The following PSME3 variants were observed in gnomAD, a reference collection of about 807,000 sequenced individuals.
The protein encoded by PSME3 is proteasome activator complex subunit 3.
Under a neutral mutation model 38.3 loss-of-function variants are expected in PSME3, and 7 were observed. That is an observed-to-expected ratio of 0.18 (90% confidence interval 0.10 to 0.34). The LOEUF is 0.34. Among genes scored for constraint, PSME3 ranks in the 10% least tolerant of loss-of-function variants. The pLI is 1.00. For synonymous variants in PSME3, 108 were observed against 105.7 expected, an observed-to-expected ratio of 1.02 and a Z score of -0.13; for missense variants, 192 against 307.6, an observed-to-expected ratio of 0.62 and a Z score of 2.81.
At position 42,842,294 on chromosome 17, in the gene PSME3, CCT is replaced by C. The variant is rs1189905404; in HGVS notation, c.*717_*718del. On this transcript the variant is annotated 3_prime_UTR_variant, in exon 11 of 11. Transcript: ENST00000590720. The stretch of plus-strand genomic sequence containing the variant: ...TAACATACCCTCCCTCTCCACAACC[CCT>C]GTCACATACCTTTCAGGAGGTGACA... The C allele has an allele frequency of 6.5e-6, 1 of 152,866 alleles. No individual in the cohort carries two copies. The highest frequency in any genetic ancestry group is 2.1e-4 in the South Asian group (1 of 4,826). 9.5% of individuals were successfully genotyped at this position (152,866 alleles called of 1,614,324 possible). A position where few individuals can be genotyped will look rare whatever the true frequency, so the allele number is the denominator to read the frequency against.
At position 42,833,519 on chromosome 17, in the gene PSME3, C is replaced by G. The variant is rs1229719824; in HGVS notation, c.-113C>G. ...AGCGAGCGAGCAGTGAGTAAGCCAG[C>G]AAGGGCGGTCGGGTCCCGAGGTCAG... On this transcript the variant is annotated 5_prime_UTR_variant, in exon 1 of 11. Transcript: ENST00000590720. 7.3e-7 allele frequency: 1 copy of G among 1,377,848 alleles called. No individual in the cohort carries two copies. The highest frequency in any genetic ancestry group is 1.0e-6 in the Non-Finnish European group (1 of 979,648). The allele number at this position is 1,377,848 out of a possible 1,614,324, so 85.4% of individuals were successfully genotyped here. A position where few individuals can be genotyped will look rare whatever the true frequency, so the allele number is the denominator to read the frequency against.
chr17:42,837,643 C>G lies in PSME3; in HGVS notation c.244-6C>G. On this transcript the variant is annotated splice_polypyrimidine_tract_variant and splice_region_variant and intron_variant, in intron 4 of 10. Transcript: ENST00000590720. The stretch of plus-strand genomic sequence containing the variant: ...TAGGCTCATCCCTGCCTCTTTGTAT[C>G]CTTAGCCCACTTATAAGAAGCGAAG... 1 of 1,614,088 alleles carries G rather than the reference C, an allele frequency of 6.2e-7. No homozygotes were observed. The highest frequency in any genetic ancestry group is 1.1e-5 in the South Asian group (1 of 91,082).
At chr17:42,836,911 A>C (rs2055470691) in intron 4 of PSME3, among the ~76,000 whole-genome samples, 5 of 128,334 alleles carry the variant, frequency 3.9e-5, no homozygotes, top group Non-Finnish European at 3.3e-5. Flanking sequence ...GTGGAGTTTC[A>C]CTCTTGTCAC....
rs572182679 is a variant in PSME3 at position 42,843,323 on chromosome 17, A to T, written c.*1745A>T. 4 of 152,848 alleles carry T rather than the reference A, an allele frequency of 2.6e-5. No homozygotes were observed. Among genetic ancestry groups the T allele is most frequent in the Admixed American group, 1.3e-4 (2 of 15,278 alleles). 9.5% of individuals were successfully genotyped at this position (152,848 alleles called of 1,614,324 possible). On this transcript the variant is annotated 3_prime_UTR_variant, in exon 11 of 11. Transcript: ENST00000590720. ...TGTGCACGCTTGGACACCCACCTCC[A>T]TGGACACCTAGCCACCCTGTTGTGT... is the stretch of plus-strand genomic sequence containing the variant.
intron 4 of PSME3, among the ~76,000 whole-genome samples, chr17:42,837,242 G>A (rs778142421): frequency 3.2e-4 from 49 of 152,100 alleles, no homozygotes; most frequent in Non-Finnish European, 1.5e-4. Context: ...GTGGAGATGA[G>A]GTTTCACTGT....
rs1430271412 is a variant in PSME3 at position 42,833,455 on chromosome 17, C to A, written c.-177C>A. The A allele has an allele frequency of 2.9e-6, 2 of 694,476 alleles. No homozygotes were observed. Among genetic ancestry groups the A allele is most frequent in the African/African-American group, 3.6e-5 (2 of 55,592 alleles). The allele number at this position is 694,476 out of a possible 1,614,324, so 43.0% of individuals were successfully genotyped here. A position where few individuals can be genotyped will look rare whatever the true frequency, so the allele number is the denominator to read the frequency against. ...GGCGAGCGAGAGAGCAAGCAGGCAG[C>A]AGGCTGCCGGCGGGCGGGCGGACGG... On this transcript the variant is annotated 5_prime_UTR_variant, in exon 1 of 11. Transcript: ENST00000590720.
At chr17:42,840,962 T>G (rs1357480227) in intron 10 of PSME3, among the ~76,000 whole-genome samples, 1 of 151,728 alleles carries the variant, frequency 6.6e-6, no homozygotes, top group Non-Finnish European at 1.5e-5. Flanking sequence ...TGAAACCCCA[T>G]CTGTACTAAA....
At position 42,841,554 on chromosome 17, in the gene PSME3, C is replaced by A; in HGVS notation, c.741C>A (p.Ser247Arg). Reference sequence around the variant, plus strand: ...TCGAGAAGATCAAACGGCCCCGGAGCAGCAATGCAGAGACTCTGTACTGAG... The same window carrying A: ...TCGAGAAGATCAAACGGCCCCGGAGAAGCAATGCAGAGACTCTGTACTGAG... Reference protein sequence around the residue: ...KNIEKIKRPRSSNAETLY With the variant: ...KNIEKIKRPRRSNAETLY Residue 247 changes from serine (S) to arginine (R), a missense_variant, in exon 11 of 11, where the codon AGC becomes AGA. Ser to Arg is a moderately radical substitution (Grantham distance 110). Coordinates refer to ENST00000590720, the MANE Select transcript of PSME3 (RefSeq NM_005789.4). 6.2e-7 allele frequency: 1 copy of A among 1,609,078 alleles called. No homozygotes were observed. Among genetic ancestry groups the A allele is most frequent in the Non-Finnish European group, 8.5e-7 (1 of 1,177,150 alleles).
chr17:42,837,603 T>C, intron 4 of PSME3, 46 bp from the exon 5 acceptor site: 1 of 1,575,352 alleles, frequency 6.3e-7, no homozygotes, highest in Non-Finnish European at 8.7e-7. Flanking sequence ...GTGATGGAGA[T>C]GTGGGTGTCA....
intron 6 of PSME3, among the ~76,000 whole-genome samples, chr17:42,838,417 C>G (rs1196675295): frequency 6.6e-6 from 1 of 152,082 alleles, no homozygotes; most frequent in East Asian, 1.9e-4. Context: ...AAGTGATTCT[C>G]CTGCCTCAGC....
intron 10 of PSME3, among the ~76,000 whole-genome samples, chr17:42,840,979 A>G (rs1417050369): frequency 2.0e-5 from 3 of 151,902 alleles, no homozygotes; most frequent in Non-Finnish European, 4.4e-5. Flanking sequence ...TAAAAATAAA[A>G]AAAATTAGCC....
chr17:42,840,677 A>G (rs867959359), intron 10 of PSME3, among the ~76,000 whole-genome samples: 1 of 152,230 alleles, frequency 6.6e-6, no homozygotes, highest in Non-Finnish European at 1.5e-5. Context: ...AATAAGTGAG[A>G]TAACACATTG....
chr17:42,839,084 A>G (rs1276159680), intron 8 of PSME3, 28 bp from the exon 9 acceptor site: 2 of 1,590,768 alleles, frequency 1.3e-6, no homozygotes, highest in South Asian at 2.2e-5. Context: ...GGTCTCCTGC[A>G]TCTTCCTCCT....
intron 2 of PSME3, 58 bp downstream of exon 2, chr17:42,834,434 C>T: frequency 6.4e-7 from 1 of 1,561,360 alleles, no homozygotes; most frequent in Non-Finnish European, 8.7e-7. Flanking sequence ...AGAGGAGATA[C>T]CTGGAGAGAG....
rs975803986 is a variant in PSME3 at position 42,833,454 on chromosome 17, G to C, written c.-178G>C. ...GGGCGAGCGAGAGAGCAAGCAGGCA[G>C]CAGGCTGCCGGCGGGCGGGCGGACG... On this transcript the variant is annotated 5_prime_UTR_variant, in exon 1 of 11. Transcript: ENST00000590720. 9 of 690,866 alleles carry C rather than the reference G, an allele frequency of 1.3e-5. No homozygotes were observed. In the African/African-American group the frequency reaches 1.4e-4, roughly 11 times the overall value. 42.8% of individuals were successfully genotyped at this position (690,866 alleles called of 1,614,324 possible).
intron 10 of PSME3, among the ~76,000 whole-genome samples, chr17:42,841,233 T>C (rs544431927): frequency 4.9e-4 from 75 of 151,798 alleles, no homozygotes; most frequent in African/African-American, 1.8e-3. Context: ...AAAACCAAGT[T>C]TTTTTTTCAT....
In PSME3 at chr17:42,841,379, GA is replaced by G. The variant is rs1182829780; in HGVS notation, c.685-118del. 5 of 460,716 alleles carry G rather than the reference GA, an allele frequency of 1.1e-5. No homozygotes were observed. The Admixed American group carries it at 2.2e-4, about 20-fold the overall frequency. The allele number at this position is 460,716 out of a possible 1,614,324, so 28.5% of individuals were successfully genotyped here. On this transcript the variant is annotated intron_variant, in intron 10 of 10. Coordinates refer to ENST00000590720, the MANE Select transcript of PSME3 (RefSeq NM_005789.4). ...TCGCAGTTGCTAAGAACCTATTGAT[GA>G]CATTAAGGACTTACCGTATGCAGAT...
rs756572650 is a variant in PSME3, at chr17:42,839,035, G to A, written c.542+23G>A. On this transcript the variant is annotated intron_variant, in intron 8 of 10. Coordinates refer to ENST00000590720, the MANE Select transcript of PSME3 (RefSeq NM_005789.4). ...TAGGTAGGGCTGCTTGGGCTTGGCC[G>A]AGGCGTTGGGGGCTGATGAGGTGGT... 19 of 1,612,974 alleles carry A rather than the reference G, an allele frequency of 1.2e-5. No homozygotes were observed. In the South Asian group the frequency reaches 1.3e-4, roughly 11 times the overall value.
rs1344010272 is a variant in PSME3 at position 42,841,621 on chromosome 17, A to T, written c.*43A>T. ...GGGGACTCTGTGAGTCTGGCTCAAGACCGACATTGCCTTGGTTTGTTACAT... is the reference window on the plus strand; with the variant it reads ...GGGGACTCTGTGAGTCTGGCTCAAGTCCGACATTGCCTTGGTTTGTTACAT... On this transcript the variant is annotated 3_prime_UTR_variant, in exon 11 of 11. Transcript: ENST00000590720. 1.3e-5 allele frequency: 18 copies of T among 1,380,272 alleles called. No homozygotes were observed. In the Admixed American group the frequency reaches 3.9e-4, roughly 30 times the overall value. The allele number at this position is 1,380,272 out of a possible 1,614,324, so 85.5% of individuals were successfully genotyped here.
Sources: allele counts gnomAD v4.1 joint callset (sites outside exome capture counted in the v4.1 genomes callset), GRCh38; gene constraint gnomAD v4.1.1; transcripts MANE v1.5; gene names NCBI Gene and HGNC (gene_info 2026-07-23, HGNC 2026-07-21).